SLC25A48: variants seen among roughly 807,000 people sequenced by gnomAD.
SLC25A48 encodes the protein solute carrier family 25 member 48.
In SLC25A48, 29 loss-of-function variants were observed where a neutral mutation model predicts 32.2. That is an observed-to-expected ratio of 0.90 (90% confidence interval 0.67 to 1.23). The LOEUF is 1.23. SLC25A48 is among the 50% of genes most tolerant of loss of function. The pLI is 0.00. For missense variants in SLC25A48, 399 were observed against 422.7 expected (o/e 0.94, Z 0.49); for synonymous variants, 164 against 172.3 (o/e 0.95, Z 0.38).
At chr5:135,881,280 G>T (rs922760212) in intron 7 of SLC25A48, among the ~76,000 whole-genome samples, 20 of 152,220 alleles carry the variant, frequency 1.3e-4, no homozygotes, top group Admixed American at 3.9e-4. Flanking sequence ...GATGATCTTT[G>T]TCTATAAAAC....
At chr5:135,770,092 G>T (rs187009103) in intron 3 of SLC25A48, among the ~76,000 whole-genome samples, 31 of 151,260 alleles carry the variant, frequency 2.0e-4, no homozygotes, top group Non-Finnish European at 1.8e-4. Flanking sequence ...AGCCGGGGGG[G>T]AGACAATGAT....
intron 3 of SLC25A48, among the ~76,000 whole-genome samples, chr5:135,757,985 G>A (rs1755961302): frequency 6.7e-6 from 1 of 150,206 alleles, no homozygotes; most frequent in African/African-American, 2.4e-5. Flanking sequence ...GATATTAATA[G>A]AATATCATCT....
chr5:135,826,871 A>G (rs1758072549), intron 4 of SLC25A48: 1 of 152,266 alleles, frequency 6.6e-6, no homozygotes, highest in Admixed American at 6.5e-5. Flanking sequence ...ATAGCAAGAA[A>G]TGAGCCACGT....
Position 135,629,537 on chromosome 5 carries a change from AC to A in SLC25A48, c.-709+164del. Among the ~76,000 whole-genome samples, 1 of 152,282 alleles carries A rather than the reference AC, an allele frequency of 6.6e-6. No individual in the cohort carries two copies. Among genetic ancestry groups the A allele is most frequent in the African/African-American group, 2.4e-5 (1 of 41,566 alleles). ...TAGACTTGGCCTCTAATCCCAAGAG[AC>A]CCTGGGAGGTGGGGGTGGAATGTGG... is the stretch of plus-strand genomic sequence containing the variant. On this transcript the variant is annotated intron_variant, in intron 2 of 10. Coordinates refer to the SLC25A48 transcript ENST00000646290. This position sits in a 1 kb window ranked among gnomAD's most constrained non-coding sequence, Gnocchi z 4.8.
intron 3 of SLC25A48, among the ~76,000 whole-genome samples, chr5:135,736,050 C>G (rs530416358): frequency 6.6e-5 from 10 of 152,098 alleles, no homozygotes; most frequent in Non-Finnish European, 1.3e-4. Context: ...GGACCTGGCT[C>G]AGCCTGGCGA....
intron 3 of SLC25A48, among the ~76,000 whole-genome samples, chr5:135,646,175 C>T (rs757921696): frequency 7.2e-5 from 11 of 152,076 alleles, no homozygotes; most frequent in South Asian, 2.1e-4. Context: ...TTTAATTTCC[C>T]GCTGGAAGGA....
In SLC25A48 at chr5:135,672,095, T is replaced by A. The variant is rs1013985994; in HGVS notation, c.-521+37139T>A. ...AAATGCTCCCAGGATTTGGGGCTAT[T>A]AATACAGAAGAACAATGAGAAGGAA... On this transcript the variant is annotated intron_variant, in intron 3 of 10. Coordinates refer to the SLC25A48 transcript ENST00000646290. 8.5e-5 allele frequency among the ~76,000 whole-genome samples: 13 copies of A among 152,168 alleles called. 1 individual carries two copies. The highest frequency in any genetic ancestry group is 1.9e-4 in the Non-Finnish European group (13 of 68,024).
intron 3 of SLC25A48, among the ~76,000 whole-genome samples, chr5:135,682,248 T>A (rs1753914150): frequency 6.6e-6 from 1 of 152,206 alleles, no homozygotes; most frequent in Admixed American, 6.5e-5. Flanking sequence ...ACCACTGCTC[T>A]GAGCCCTGCA....
intron 1 of SLC25A48, among the ~76,000 whole-genome samples, chr5:135,615,507 C>T (rs565712066): frequency 4.3e-4 from 66 of 152,264 alleles, no homozygotes; most frequent in African/African-American, 1.5e-3. Flanking sequence ...AGCAGCAAAG[C>T]ATTTAAGATA....
At chr5:135,781,285 C>T (rs1173002630) in intron 3 of SLC25A48, among the ~76,000 whole-genome samples, 1 of 116,330 alleles carries the variant, frequency 8.6e-6, no homozygotes, top group Non-Finnish European at 2.1e-5. Flanking sequence ...AGAAAGTGTA[C>T]TCCCCACTGT....
intron 3 of SLC25A48, among the ~76,000 whole-genome samples, chr5:135,806,805 TTTA>T (rs966043402): frequency 2.0e-5 from 3 of 150,080 alleles, no homozygotes; most frequent in Admixed American, 6.6e-5. Flanking sequence ...ATCATTATAT[TTTA>T]TTATTATTAG....
chr5:135,744,702 A>G (rs12188702), intron 3 of SLC25A48, among the ~76,000 whole-genome samples: 113,017 of 151,996 alleles, frequency 0.74, 42,461 homozygotes, highest in Middle Eastern at 0.87. Flanking sequence ...TGGTCACACC[A>G]CATGGACCCA....
intron 5 of SLC25A48, among the ~76,000 whole-genome samples, chr5:135,873,791 A>AT (rs1325682549): frequency 6.6e-6 from 1 of 152,240 alleles, no homozygotes; most frequent in Non-Finnish European, 1.5e-5. Context: ...AGGTACTGCC[A>AT]TCCCATTTTA....
intron 3 of SLC25A48, among the ~76,000 whole-genome samples, chr5:135,673,930 C>G (rs1753713373): frequency 6.6e-6 from 1 of 151,228 alleles, no homozygotes; most frequent in Non-Finnish European, 1.5e-5. Flanking sequence ...TTTTTTCCCC[C>G]CCATGGTATT....
At chr5:135,797,138 G>A (rs572264319) in intron 3 of SLC25A48, among the ~76,000 whole-genome samples, 19 of 151,810 alleles carry the variant, frequency 1.3e-4, no homozygotes, top group Non-Finnish European at 2.1e-4. Context: ...CACCATTTCT[G>A]TGATATTCTT....
intron 3 of SLC25A48, among the ~76,000 whole-genome samples, chr5:135,800,368 G>A (rs1476772396): frequency 6.6e-6 from 1 of 151,880 alleles, no homozygotes; most frequent in Non-Finnish European, 1.5e-5. Context: ...CGAAGGGGGT[G>A]TTCACCATTT....
chr5:135,714,478 C>T (rs571875569), intron 3 of SLC25A48, among the ~76,000 whole-genome samples: 1 of 152,328 alleles, frequency 6.6e-6, no homozygotes, highest in Admixed American at 6.5e-5. Flanking sequence ...GGAAGCTCCA[C>T]CCACCATGTC....
chr5:135,676,429 C>T (rs1467418335), intron 3 of SLC25A48, among the ~76,000 whole-genome samples: 2 of 151,838 alleles, frequency 1.3e-5, no homozygotes, highest in South Asian at 2.1e-4. Context: ...AAAAAACCAA[C>T]TTTTCATTGA....
In SLC25A48 at chr5:135,791,353, A is replaced by G. The variant is rs988148711; in HGVS notation, c.-520-21170A>G. Among the ~76,000 whole-genome samples, 5 of 151,810 alleles carry G rather than the reference A, an allele frequency of 3.3e-5. 1 individual carries two copies. Among genetic ancestry groups the G allele is most frequent in the Admixed American group, 3.3e-4 (5 of 15,190 alleles). Reference sequence around the variant, plus strand: ...TATAACTTGTGATATTATTTGTTATATTCTAGGATGATGTTACTCCTAATG... The same window carrying G: ...TATAACTTGTGATATTATTTGTTATGTTCTAGGATGATGTTACTCCTAATG... On this transcript the variant is annotated intron_variant, in intron 3 of 10. Transcript: ENST00000646290.
Sources: allele counts gnomAD v4.1 joint callset (sites outside exome capture counted in the v4.1 genomes callset), GRCh38; gene constraint gnomAD v4.1.1; non-coding constraint Gnocchi (gnomAD v3.1); transcripts MANE v1.5; gene names NCBI Gene and HGNC (gene_info 2026-07-23, HGNC 2026-07-21).